ATRNL1: variants seen among roughly 807,000 people sequenced by gnomAD.
ATRNL1 encodes attractin like 1.
ATRNL1 carries 95 observed loss-of-function variants against 182.7 expected under a neutral mutation model. The observed-to-expected ratio is 0.52, with a 90% CI of 0.44 to 0.62. The LOEUF (loss-of-function observed/expected upper bound fraction) is 0.62. Ranked by LOEUF, ATRNL1 falls within the 20% of genes least tolerant of loss-of-function variation. The probability of loss-of-function intolerance (pLI) is 0.00; values close to 1 mark genes in which losing one functional copy is unlikely to be tolerated. For missense variants in ATRNL1, 1,471 were observed against 1,679.5 expected (o/e 0.88, Z 2.17); for synonymous variants, 576 against 568.3 (o/e 1.01, Z -0.19).
intron 21 of ATRNL1, among the ~76,000 whole-genome samples, chr10:115,431,401 T>TAAAAA (rs3981285): frequency 1.4e-4 from 15 of 110,700 alleles, no homozygotes; most frequent in South Asian, 2.9e-4. Flanking sequence ...AGAGTGAAAC[T>TAAAAA]AAAAAAAAAA....
At chr10:115,169,472 G>A (rs1478506779) in intron 7 of ATRNL1, among the ~76,000 whole-genome samples, 1 of 151,958 alleles carries the variant, frequency 6.6e-6, no homozygotes, top group Non-Finnish European at 1.5e-5. Context: ...GACTTTCAAA[G>A]TGCTGGGATT....
chr10:115,410,244 A>G (rs573066493), intron 20 of ATRNL1, among the ~76,000 whole-genome samples: 2 of 151,202 alleles, frequency 1.3e-5, no homozygotes, highest in Admixed American at 1.3e-4. Flanking sequence ...CTGTTTTACT[A>G]TGATGCTCTT....
At chr10:115,207,166 T>C (rs1446861709) in intron 8 of ATRNL1, among the ~76,000 whole-genome samples, 1 of 152,180 alleles carries the variant, frequency 6.6e-6, no homozygotes, top group African/African-American at 2.4e-5. Context: ...CATGTGTCTT[T>C]ATAGTAGCAT....
intron 28 of ATRNL1, among the ~76,000 whole-genome samples, chr10:115,865,657 G>T (rs1401408459): frequency 6.6e-6 from 1 of 152,042 alleles, no homozygotes; most frequent in African/African-American, 2.4e-5. Context: ...TTACAGAAAG[G>T]TTTCTTTACT....
rs553008595 is a variant in ATRNL1, at chr10:115,870,669, A to T, written c.4018+22678A>T. On this transcript the variant is annotated intron_variant, in intron 28 of 28. Coordinates refer to ENST00000355044, the MANE Select transcript of ATRNL1 (RefSeq NM_207303.4). ...GACATTATTTCTGATAATATCGTGC[A>T]TATCTTTATATATCAATCAAGGTTT... 3.9e-5 allele frequency among the ~76,000 whole-genome samples: 6 copies of T among 152,320 alleles called. No individual in the cohort carries two copies. The South Asian group carries it at 1.2e-3, about 32-fold the overall frequency.
intron 27 of ATRNL1, among the ~76,000 whole-genome samples, chr10:115,741,616 G>A (rs956487019): frequency 1.2e-4 from 18 of 152,170 alleles, no homozygotes; most frequent in African/African-American, 3.6e-4. Flanking sequence ...GCATCAACTG[G>A]ATTGAAGAAT....
rs1849525804 is a variant in ATRNL1, at chr10:115,222,937, A to G, written c.1532+7057A>G. Among the ~76,000 whole-genome samples the G allele has an allele frequency of 2.0e-5, 3 of 152,208 alleles. No homozygotes were observed. The South Asian group carries it at 6.2e-4, about 32-fold the overall frequency. On this transcript the variant is annotated intron_variant, in intron 9 of 28. Transcript: ENST00000355044. ...TTGCATATACACAAAATTTAAATGC[A>G]TGGTCCTAATAGCACATAAGTCAGA...
At chr10:115,449,601 G>C (rs1290417863) in intron 21 of ATRNL1, among the ~76,000 whole-genome samples, 1 of 152,130 alleles carries the variant, frequency 6.6e-6, no homozygotes, top group Non-Finnish European at 1.5e-5. Flanking sequence ...AGGGGTTGTG[G>C]GTACCCCCCA....
intron 26 of ATRNL1, among the ~76,000 whole-genome samples, chr10:115,661,197 G>T (rs1555037597): frequency 6.6e-6 from 1 of 152,016 alleles, no homozygotes; most frequent in African/African-American, 2.4e-5. Flanking sequence ...ATTTACCTCA[G>T]AACTCTTCCA....
chr10:115,901,309 G>T (rs782196390), intron 28 of ATRNL1, among the ~76,000 whole-genome samples: 1 of 152,156 alleles, frequency 6.6e-6, no homozygotes, highest in African/African-American at 2.4e-5. Context: ...TAAGTGGTTT[G>T]TAAAATATAA....
At chr10:115,582,927 G>C (rs1167404794) in intron 26 of ATRNL1, among the ~76,000 whole-genome samples, 1 of 148,734 alleles carries the variant, frequency 6.7e-6, no homozygotes, top group Non-Finnish European at 1.5e-5. Flanking sequence ...TTTGTATAAG[G>C]TGTAAGGAAG....
At chr10:115,602,680 G>T (rs1376373036) in intron 26 of ATRNL1, among the ~76,000 whole-genome samples, 1 of 151,990 alleles carries the variant, frequency 6.6e-6, no homozygotes. Context: ...TGGCTAACAC[G>T]GTGAAACCCC....
chr10:115,684,508 T>C (rs1272818399), intron 26 of ATRNL1, among the ~76,000 whole-genome samples: 3 of 151,498 alleles, frequency 2.0e-5, no homozygotes, highest in Non-Finnish European at 4.4e-5. Context: ...AAACAGATTT[T>C]GGTTCAGGAT....
At chr10:115,215,112 A>G (rs537005443) in intron 8 of ATRNL1, among the ~76,000 whole-genome samples, 70 of 152,284 alleles carry the variant, frequency 4.6e-4, no homozygotes, top group African/African-American at 1.6e-3. Flanking sequence ...CTTGCCCTTT[A>G]ATCTCATACT....
intron 26 of ATRNL1, among the ~76,000 whole-genome samples, chr10:115,651,936 A>G (rs555593572): frequency 3.9e-5 from 6 of 152,196 alleles, no homozygotes; most frequent in Admixed American, 3.9e-4. Flanking sequence ...GTTAGAATGA[A>G]CTGTTTAGTT....
At chr10:115,404,709 A>C (rs1415220842) in intron 20 of ATRNL1, among the ~76,000 whole-genome samples, 1 of 152,112 alleles carries the variant, frequency 6.6e-6, no homozygotes, top group Non-Finnish European at 1.5e-5. Flanking sequence ...GGTCCTGTTC[A>C]TTAAGTGTGA....
In ATRNL1 at chr10:115,918,098, CTTTT is replaced by C. The variant is rs534230786; in HGVS notation, c.4019-26542_4019-26539del. On this transcript the variant is annotated intron_variant, in intron 28 of 28. Transcript: ENST00000355044. Reference sequence around the variant, plus strand: ...CTTACAGCAATCTATTTTTTAGTGTCTTTTTTTTTTTTTTTTTTTTTAAGACCAA... The same window carrying C: ...CTTACAGCAATCTATTTTTTAGTGTCTTTTTTTTTTTTTTTTTAAGACCAA... Among the ~76,000 whole-genome samples the C allele has an allele frequency of 1.6e-3, 202 of 123,808 alleles. 1 individual carries two copies. Among genetic ancestry groups the C allele is most frequent in the African/African-American group, 4.8e-3 (157 of 32,774 alleles). The allele number at this position is 123,808 out of a possible 152,430, so 81.2% of individuals were successfully genotyped here.
At chr10:115,938,129 T>C (rs1246740122) in intron 28 of ATRNL1, among the ~76,000 whole-genome samples, 1 of 152,228 alleles carries the variant, frequency 6.6e-6, no homozygotes, top group Non-Finnish European at 1.5e-5. Context: ...GGAATGTTCT[T>C]TCCAAGGCAA....
At chr10:115,222,382 A>C (rs1405767682) in intron 9 of ATRNL1, among the ~76,000 whole-genome samples, 1 of 152,200 alleles carries the variant, frequency 6.6e-6, no homozygotes, top group African/African-American at 2.4e-5. Flanking sequence ...GTGAAGACAA[A>C]TGTGTAACAT....
Sources: allele counts gnomAD v4.1 joint callset (sites outside exome capture counted in the v4.1 genomes callset), GRCh38; gene constraint gnomAD v4.1.1; transcripts MANE v1.5; gene names NCBI Gene and HGNC (gene_info 2026-07-23, HGNC 2026-07-21).